Variants in MCTP1 observed in about 807,000 individuals in gnomAD.
The protein encoded by MCTP1 is multiple C2 and transmembrane domain containing 1, also known as multiple C2 and transmembrane domain-containing protein 1.
A neutral mutation model predicts 120.6 loss-of-function variants in MCTP1; 69 were observed. The ratio of observed to expected loss-of-function variants is 0.57; its 90% CI spans 0.47 to 0.70. The LOEUF (loss-of-function observed/expected upper bound fraction) is 0.70, where lower values mean the gene tolerates loss of function less well. MCTP1 is among the 30% of genes least tolerant of loss of function. The pLI is 0.00. For missense variants in MCTP1, 1,203 were observed against 1,248.8 expected (o/e 0.96, Z 0.55); for synonymous variants, 529 against 493.1 (o/e 1.07, Z -0.96).
chr5:95,163,294 A>G (rs1745950951), intron 1 of MCTP1, among the ~76,000 whole-genome samples: 1 of 152,312 alleles, frequency 6.6e-6, no homozygotes, highest in Admixed American at 6.5e-5. Context: ...GGTGACAGAT[A>G]TATACTGTGA....
intron 1 of MCTP1, among the ~76,000 whole-genome samples, chr5:95,151,204 G>C (rs144879697): frequency 6.7e-6 from 1 of 149,204 alleles, no homozygotes; most frequent in Non-Finnish European, 1.5e-5. Context: ...GGCTGCTCTC[G>C]AACTCCTGAG....
intron 1 of MCTP1, among the ~76,000 whole-genome samples, chr5:95,261,266 A>C (rs1349925815): frequency 6.6e-6 from 1 of 152,202 alleles, no homozygotes; most frequent in Admixed American, 6.5e-5. Context: ...TTCACAGCTG[A>C]AGACCATTTC....
chr5:94,803,480 A>C (rs775220309), intron 17 of MCTP1, among the ~76,000 whole-genome samples: 1 of 152,182 alleles, frequency 6.6e-6, no homozygotes, highest in Non-Finnish European at 1.5e-5. Context: ...TGGGCAAGTT[A>C]CTAGATTTCT....
chr5:94,866,975 A>T (rs1796933306), intron 17 of MCTP1, among the ~76,000 whole-genome samples: 1 of 151,912 alleles, frequency 6.6e-6, no homozygotes, highest in Non-Finnish European at 1.5e-5. Context: ...GAAGGAGTGA[A>T]TCAAAAATGG....
chr5:94,707,981 A>AAC (rs1755200958), intron 22 of MCTP1, among the ~76,000 whole-genome samples: 1 of 151,778 alleles, frequency 6.6e-6, no homozygotes, highest in Admixed American at 6.6e-5. Context: ...TTTAAAAAAA[A>AAC]AAAAACAAAC....
chr5:95,119,377 C>G (rs1281880447), intron 1 of MCTP1, among the ~76,000 whole-genome samples: 2 of 151,974 alleles, frequency 1.3e-5, no homozygotes, highest in African/African-American at 2.4e-5. Flanking sequence ...CTATGGGATA[C>G]AGCAAAAGTA....
At chr5:94,818,287 A>G (rs953285862) in intron 17 of MCTP1, among the ~76,000 whole-genome samples, 22 of 152,216 alleles carry the variant, frequency 1.4e-4, no homozygotes, top group Non-Finnish European at 7.3e-5. Context: ...AAAAGTAAGT[A>G]AAAAGGACCA....
intron 1 of MCTP1, among the ~76,000 whole-genome samples, chr5:95,112,919 T>C (rs540434260): frequency 1.9e-4 from 29 of 152,326 alleles, no homozygotes; most frequent in African/African-American, 7.0e-4. Flanking sequence ...CAACTGCTTA[T>C]ATAGTTATAT....
chr5:94,853,196 G>A (rs1212416082), intron 17 of MCTP1, among the ~76,000 whole-genome samples: 1 of 151,950 alleles, frequency 6.6e-6, no homozygotes, highest in African/African-American at 2.4e-5. Context: ...TTGTGGGTAG[G>A]TAGGGCGGGG....
At chr5:95,127,071 C>A (rs1440270619) in intron 1 of MCTP1, among the ~76,000 whole-genome samples, 3 of 152,082 alleles carry the variant, frequency 2.0e-5, no homozygotes, top group Non-Finnish European at 2.9e-5. Context: ...CAAGAAAGAA[C>A]ATCATCCTTT....
chr5:94,985,397 T>C (rs1304584895), intron 2 of MCTP1, among the ~76,000 whole-genome samples: 1 of 152,208 alleles, frequency 6.6e-6, no homozygotes, highest in Admixed American at 6.5e-5. Context: ...GATCTATTTT[T>C]TATTTTCTCT....
chr5:94,972,041 A>G (rs1827002357), intron 2 of MCTP1, among the ~76,000 whole-genome samples: 1 of 152,046 alleles, frequency 6.6e-6, no homozygotes, highest in African/African-American at 2.4e-5. Context: ...CCTTATCTAG[A>G]TTATTTAGAG....
chr5:94,826,321 T>C, intron 17 of MCTP1: 1 of 540,794 alleles, frequency 1.8e-6, no homozygotes. Context: ...CTGAAGCCTC[T>C]TGAGCTTCAC....
intron 1 of MCTP1, among the ~76,000 whole-genome samples, chr5:95,102,674 A>G (rs1390477995): frequency 6.6e-6 from 1 of 152,054 alleles, no homozygotes; most frequent in African/African-American, 2.4e-5. Flanking sequence ...GTATTTATAC[A>G]AGGTATTGTA....
At chr5:94,742,591 G>T (rs13169956) in intron 19 of MCTP1, among the ~76,000 whole-genome samples, 114,069 of 152,034 alleles carry the variant, frequency 0.75, 43,134 homozygotes, top group East Asian at 0.97. Flanking sequence ...TACTGCCTGT[G>T]AAAACCAACA....
chr5:95,190,699 T>C (rs748141011), intron 1 of MCTP1, among the ~76,000 whole-genome samples: 1 of 152,034 alleles, frequency 6.6e-6, no homozygotes, highest in Non-Finnish European at 1.5e-5. Flanking sequence ...CTGACAATGC[T>C]ATTTGCAAAT....
Position 94,862,059 on chromosome 5 carries a change from T to C in MCTP1, c.2436+6274A>G, listed in dbSNP as rs113923453. On this transcript the variant is annotated intron_variant, in intron 17 of 22. Transcript: ENST00000515393. The stretch of plus-strand genomic sequence containing the variant: ...ATAATTATGCTGGTGATATTTGTAA[T>C]TTTTTGACTATAGCATAGCATAATA... Among the ~76,000 whole-genome samples the C allele has an allele frequency of 9.6e-3, 1,457 of 151,960 alleles. 25 individuals are homozygous for C. The highest frequency in any genetic ancestry group is 0.032 in the African/African-American group (1,335 of 41,502).
At chr5:94,871,851 CT>C (rs1188679278) in intron 13 of MCTP1, among the ~76,000 whole-genome samples, 23 of 152,118 alleles carry the variant, frequency 1.5e-4, no homozygotes, top group African/African-American at 5.3e-4. Context: ...TGTAATTACT[CT>C]TTTTTATAAT....
intron 7 of MCTP1, among the ~76,000 whole-genome samples, chr5:94,920,617 T>C (rs906464387): frequency 3.3e-5 from 5 of 151,760 alleles, no homozygotes; most frequent in Admixed American, 1.3e-4. Flanking sequence ...TGGCGGGCGC[T>C]TGTAGTCCCA....
Sources: gnomAD v4.1 joint callset for allele counts (sites outside exome capture counted in the v4.1 genomes callset) on GRCh38, gnomAD v4.1.1 for gene constraint, MANE v1.5 for transcripts, NCBI Gene and HGNC (gene_info 2026-07-23, HGNC 2026-07-21) for gene names.